The following NPAS2 variants were observed in gnomAD, a reference collection of about 807,000 sequenced individuals.
The protein encoded by NPAS2 is neuronal PAS domain-containing protein 2.
Under a neutral mutation model 107.5 loss-of-function variants are expected in NPAS2, and 23 were observed. The ratio of observed to expected loss-of-function variants is 0.21; its 90% CI spans 0.15 to 0.30. The LOEUF is 0.30. Ranked by LOEUF, NPAS2 falls within the 10% of genes least tolerant of loss-of-function variation. The pLI, the probability that NPAS2 is intolerant of heterozygous loss-of-function variation, is 1.00. For missense variants in NPAS2, 756 were observed against 1,043.3 expected (o/e 0.72, Z 3.79); for synonymous variants, 403 against 417.5 (o/e 0.97, Z 0.42).
intron 1 of NPAS2, among the ~76,000 whole-genome samples, chr2:100,850,846 A>T (rs1678122829): frequency 6.8e-6 from 1 of 147,634 alleles, no homozygotes; most frequent in Non-Finnish European, 1.5e-5. Context: ...CCAGCTACTC[A>T]GGAGGCTGAG....
intron 2 of NPAS2, among the ~76,000 whole-genome samples, chr2:100,916,327 T>C (rs1682879254): frequency 6.6e-6 from 1 of 152,068 alleles, no homozygotes; most frequent in Non-Finnish European, 1.5e-5. Context: ...TTCAGTAACC[T>C]AAATACCTAA....
In NPAS2 at chr2:100,990,855, G is replaced by A. The variant is rs757403261; in HGVS notation, c.2094G>A (p.Arg698=). 6.2e-7 allele frequency: 1 copy of A among 1,614,160 alleles called. No homozygotes were observed. Among genetic ancestry groups the A allele is most frequent in the South Asian group, 1.1e-5 (1 of 91,090 alleles). ...CDARQPSEVS[R]TGRQVKYAQS... is the part of the protein sequence containing the mutation. ...CAAGGCAGCCCTCGGAAGTCAGCAG[G>A]ACGGGACGGCAAGTCAAGTACGTGG... is the stretch of plus-strand genomic sequence containing the variant. Residue 698 remains arginine, a synonymous_variant, in exon 19 of 21, where the codon AGG becomes AGA. Transcript: ENST00000335681.
chr2:100,975,764 T>C (rs1259763767), intron 14 of NPAS2, 197 bp downstream of exon 14: 9 of 495,360 alleles, frequency 1.8e-5, no homozygotes, highest in Non-Finnish European at 3.2e-5. Context: ...AAAATTAACA[T>C]GGATGCATAT....
At chr2:100,973,451 G>A (rs1230045354) in intron 12 of NPAS2, among the ~76,000 whole-genome samples, 1 of 152,158 alleles carries the variant, frequency 6.6e-6, no homozygotes, top group Admixed American at 6.6e-5. Flanking sequence ...AACAGCCGTG[G>A]TCCAGGGACC....
At chr2:100,950,731 T>C (rs763706986) in intron 7 of NPAS2, among the ~76,000 whole-genome samples, 3 of 152,196 alleles carry the variant, frequency 2.0e-5, no homozygotes, top group Non-Finnish European at 4.4e-5. Flanking sequence ...TGGGAGGCCT[T>C]TCTGGGAACA....
rs926031584 is a variant in NPAS2, at chr2:100,878,114, G to A, written c.-22-26619G>A. ...CCCCTATGTCCACGGAAGGTTGTTT[G>A]GCAGCAGCTGAGACAAGCAGCCTGT... On this transcript the variant is annotated intron_variant, in intron 1 of 20. Transcript: ENST00000335681. 1.7e-5 allele frequency: 17 copies of A among 985,280 alleles called. No individual in the cohort carries two copies. In the African/African-American group the frequency reaches 2.8e-4, roughly 16 times the overall value. The allele number at this position is 985,280 out of a possible 1,614,324, so 61.0% of individuals were successfully genotyped here.
intron 1 of NPAS2, among the ~76,000 whole-genome samples, chr2:100,900,395 C>T (rs546591559): frequency 8.5e-5 from 13 of 152,150 alleles, no homozygotes; most frequent in African/African-American, 1.9e-4. Flanking sequence ...AACACACCCA[C>T]GTAAATTACT....
chr2:100,933,570 G>A (rs1402277671), intron 4 of NPAS2, among the ~76,000 whole-genome samples: 1 of 152,030 alleles, frequency 6.6e-6, no homozygotes, highest in Admixed American at 6.6e-5. Flanking sequence ...CCTCCCTCTG[G>A]GTCAGAGGCC....
At chr2:100,829,174 G>T (rs1174393958) in intron 1 of NPAS2, among the ~76,000 whole-genome samples, 2 of 140,566 alleles carry the variant, frequency 1.4e-5, no homozygotes, top group Non-Finnish European at 3.0e-5. Context: ...ATGGAACTGT[G>T]TGTGTTTTGT....
chr2:100,857,649 C>T (rs1678665195), intron 1 of NPAS2, among the ~76,000 whole-genome samples: 3 of 152,340 alleles, frequency 2.0e-5, no homozygotes, highest in Admixed American at 2.0e-4. Context: ...GGGAGCCTGG[C>T]CAAGTCTCCG....
At chr2:100,842,081 G>GCGCGCGCGCACACA in intron 1 of NPAS2, among the ~76,000 whole-genome samples, 16 of 148,902 alleles carry the variant, frequency 1.1e-4, no homozygotes, top group South Asian at 6.4e-4. Context: ...GCATGTACGC[G>GCGCGCGCGCACACA]CACACACACA....
At chr2:100,832,981 C>T (rs1044011183) in intron 1 of NPAS2, among the ~76,000 whole-genome samples, 4 of 152,142 alleles carry the variant, frequency 2.6e-5, no homozygotes, top group Admixed American at 2.0e-4. Context: ...TTCCCTGAGG[C>T]GATGTCTGTG....
chr2:100,924,165 C>G (rs985073989), intron 2 of NPAS2, among the ~76,000 whole-genome samples: 1 of 152,158 alleles, frequency 6.6e-6, no homozygotes, highest in South Asian at 2.1e-4. Context: ...TGAGCCCTCC[C>G]TAGACACACT....
intron 16 of NPAS2, chr2:100,984,388 G>A (rs1677655480): frequency 1.3e-5 from 2 of 152,208 alleles, no homozygotes; most frequent in Admixed American, 6.5e-5. Context: ...AAAGTAGAGG[G>A]ATAGATAAAA....
intron 2 of NPAS2, among the ~76,000 whole-genome samples, chr2:100,918,460 G>A (rs2104852310): frequency 6.6e-6 from 1 of 152,252 alleles, no homozygotes; most frequent in East Asian, 1.9e-4. Flanking sequence ...GATTGAAAAG[G>A]CAAGCTATAG....
At chr2:100,991,630 CAG>C (rs1678136169) in intron 19 of NPAS2, among the ~76,000 whole-genome samples, 3 of 152,356 alleles carry the variant, frequency 2.0e-5, no homozygotes, top group Admixed American at 2.0e-4. Flanking sequence ...TCAGCCAGGA[CAG>C]AGAGTAACGG....
intron 2 of NPAS2, among the ~76,000 whole-genome samples, chr2:100,916,244 CAT>C (rs1347655681): frequency 2.6e-5 from 4 of 152,126 alleles, no homozygotes; most frequent in Non-Finnish European, 4.4e-5. Flanking sequence ...TAAATCCAAA[CAT>C]ATGTGATTAC....
chr2:100,995,838 T>G lies in NPAS2; in HGVS notation c.*256T>G, dbSNP rs1322973535. 1 of 1,529,580 alleles carries G rather than the reference T, an allele frequency of 6.5e-7. No individual in the cohort carries two copies. The highest frequency in any genetic ancestry group is 2.5e-5 in the East Asian group (1 of 39,234). 94.8% of individuals were successfully genotyped at this position (1,529,580 alleles called of 1,614,324 possible). On this transcript the variant is annotated 3_prime_UTR_variant, in exon 21 of 21. Coordinates refer to ENST00000335681, the MANE Select transcript of NPAS2 (RefSeq NM_002518.4). Reference sequence around the variant, plus strand: ...ATAGCCATACTGGACAGGAACCAGGTGCCCCGTGTAGGCATCGTCGGTCGG... The same window carrying G: ...ATAGCCATACTGGACAGGAACCAGGGGCCCCGTGTAGGCATCGTCGGTCGG...
chr2:100,852,182 G>A (rs981253767), intron 1 of NPAS2, among the ~76,000 whole-genome samples: 7 of 152,026 alleles, frequency 4.6e-5, no homozygotes, highest in African/African-American at 1.4e-4. Context: ...GGATCACGAG[G>A]TCAGGAGATC....
Sources: allele counts gnomAD v4.1 joint callset (sites outside exome capture counted in the v4.1 genomes callset), GRCh38; gene constraint gnomAD v4.1.1; transcripts MANE v1.5; gene names NCBI Gene and HGNC (gene_info 2026-07-23, HGNC 2026-07-21).